The following USP44 variants were observed in gnomAD, a reference collection of about 807,000 sequenced individuals.
The protein encoded by USP44 is ubiquitin carboxyl-terminal hydrolase 44.
A neutral mutation model predicts 69.0 loss-of-function variants in USP44; 61 were observed. That is an observed-to-expected ratio of 0.88 (90% CI 0.72 to 1.09). The LOEUF (loss-of-function observed/expected upper bound fraction) is 1.09, where lower values mean the gene tolerates loss of function less well. Among genes scored for constraint, USP44 ranks in the 50% least tolerant of loss-of-function variants. The pLI is 0.00. For missense variants in USP44, 753 were observed against 849.9 expected (o/e 0.89, Z 1.42); for synonymous variants, 297 against 295.4 (o/e 1.01, Z -0.06).
intron 1 of USP44, among the ~76,000 whole-genome samples, chr12:95,537,659 G>C (rs773923287): frequency 1.3e-5 from 2 of 152,100 alleles, no homozygotes; most frequent in Non-Finnish European, 2.9e-5. Flanking sequence ...GGTGAAGAAG[G>C]AAATGCCAGC....
chr12:95,543,802 A>G (rs1017820491), intron 1 of USP44, among the ~76,000 whole-genome samples: 1 of 151,188 alleles, frequency 6.6e-6, no homozygotes, highest in Admixed American at 6.6e-5. Flanking sequence ...CTGTCTCTAC[A>G]AAACATACAA....
Position 95,518,029 on chromosome 12 carries a change from T to TA in USP44, c.*124dup, listed in dbSNP as rs1235033527. 2 of 1,017,762 alleles carry TA rather than the reference T, an allele frequency of 2.0e-6. No individual in the cohort carries two copies. The highest frequency in any genetic ancestry group is 2.8e-6 in the Non-Finnish European group (2 of 723,928). The allele number at this position is 1,017,762 out of a possible 1,614,324, so 63.0% of individuals were successfully genotyped here. ...TATACTTTGTAAAAAAAAAAATTGT[T>TA]AGATATAAAATGTATAAATGTAGTA... On this transcript the variant is annotated 3_prime_UTR_variant, in exon 6 of 6. Transcript: ENST00000258499.
At chr12:95,538,448 A>T (rs923646199) in intron 1 of USP44, among the ~76,000 whole-genome samples, 3 of 152,034 alleles carry the variant, frequency 2.0e-5, no homozygotes, top group Non-Finnish European at 4.4e-5. Flanking sequence ...TTCTCAGCCA[A>T]ATGTGTACTA....
intron 3 of USP44, among the ~76,000 whole-genome samples, chr12:95,527,484 T>A (rs533790211): frequency 6.6e-6 from 1 of 152,128 alleles, no homozygotes; most frequent in African/African-American, 2.4e-5. Flanking sequence ...ACACAGTAGA[T>A]GTTTTTGTGT....
chr12:95,522,946 A>G (rs2076714609), intron 4 of USP44, among the ~76,000 whole-genome samples: 1 of 152,082 alleles, frequency 6.6e-6, no homozygotes, highest in Admixed American at 6.5e-5. Context: ...CCAACCCCCA[A>G]AGGGAATGGG....
At chr12:95,522,148 T>C in intron 4 of USP44, 2 of 975,640 alleles carry the variant, frequency 2.0e-6, no homozygotes, top group Non-Finnish European at 2.4e-6. Flanking sequence ...AACATGGTAG[T>C]TCAAGAGATT....
chr12:95,534,073 G>C lies in USP44; in HGVS notation c.184C>G (p.Gln62Glu), dbSNP rs1489696840. The change falls in exon 2 of 6, where the codon CAA becomes GAA. Residue 62 changes from glutamine (Q) to glutamate (E), a missense_variant. By Grantham distance (29) the Gln-to-Glu change is conservative (BLOSUM62 2). Coordinates refer to ENST00000258499, the MANE Select transcript of USP44 (RefSeq NM_032147.5). Reference sequence around the variant, plus strand: ...AATGCAACAGGATGACTGCTTTCTTGAAAGTGCTTGAGTGCATGCTCTTCA... The same window carrying C: ...AATGCAACAGGATGACTGCTTTCTTCAAAGTGCTTGAGTGCATGCTCTTCA... ...YIEEHALKHF[Q>E]ESSHPVALEV... 1.9e-6 allele frequency: 3 copies of C among 1,614,176 alleles called. No homozygotes were observed. Among genetic ancestry groups the C allele is most frequent in the Non-Finnish European group, 2.5e-6 (3 of 1,180,040 alleles).
chr12:95,528,011 GTATTTT>G (rs1019900596), intron 3 of USP44, among the ~76,000 whole-genome samples: 1 of 151,388 alleles, frequency 6.6e-6, no homozygotes, highest in Non-Finnish European at 1.5e-5. Context: ...GCTAATTTTT[GTATTTT>G]TAGGAGAGAC....
chr12:95,524,990 G>A (rs1394570599), intron 3 of USP44, among the ~76,000 whole-genome samples: 2 of 152,242 alleles, frequency 1.3e-5, no homozygotes, highest in Admixed American at 1.3e-4. Context: ...AGCTAGTCAA[G>A]TTAGACAGAT....
At position 95,516,707 on chromosome 12, in the gene USP44, G is replaced by A. The variant is rs2076481161; in HGVS notation, c.*1447C>T. ...GGCACAAATGATTTGTCTATTCAGTGATAAAAGTCTCACTGCACCTCACTA... is the reference window on the plus strand; with the variant it reads ...GGCACAAATGATTTGTCTATTCAGTAATAAAAGTCTCACTGCACCTCACTA... On this transcript the variant is annotated 3_prime_UTR_variant, in exon 6 of 6. Coordinates refer to ENST00000258499, the MANE Select transcript of USP44 (RefSeq NM_032147.5). 1 of 152,156 alleles carries A rather than the reference G, an allele frequency of 6.6e-6. No individual in the cohort carries two copies. Among genetic ancestry groups the A allele is most frequent in the African/African-American group, 2.4e-5 (1 of 41,434 alleles). 9.4% of individuals were successfully genotyped at this position (152,156 alleles called of 1,614,324 possible).
At chr12:95,549,655 G>A (rs536947271) in intron 1 of USP44, among the ~76,000 whole-genome samples, 20 of 152,282 alleles carry the variant, frequency 1.3e-4, no homozygotes, top group Admixed American at 4.6e-4. Flanking sequence ...AGACAAACAT[G>A]CAAAGTTAAC....
intron 1 of USP44, among the ~76,000 whole-genome samples, chr12:95,542,048 C>T (rs1030429756): frequency 5.9e-5 from 9 of 151,938 alleles, no homozygotes; most frequent in African/African-American, 1.9e-4. Context: ...GCCTGGCTAA[C>T]TTTCATATTT....
chr12:95,519,541 G>A (rs900019604), intron 5 of USP44, among the ~76,000 whole-genome samples: 2 of 142,920 alleles, frequency 1.4e-5, no homozygotes, highest in East Asian at 2.2e-4. Flanking sequence ...CCGGGTTCAC[G>A]CCATTCTCCT....
rs576908062 is a variant in USP44 at position 95,548,048 on chromosome 12, C to T, written c.-71+3224G>A. ...GCACACTGACATATTTCTTATCCCC[C>T]ATAATGAATTCAGCCATATGGCATT... On this transcript the variant is annotated intron_variant, in intron 1 of 5. Coordinates refer to ENST00000258499, the MANE Select transcript of USP44 (RefSeq NM_032147.5). The surrounding 1 kb of genome is among the most constrained non-coding windows in gnomAD (Gnocchi z 4.1). 6.6e-6 allele frequency: 1 copy of T among 152,294 alleles called. No individual in the cohort carries two copies. The highest frequency in any genetic ancestry group is 1.9e-4 in the East Asian group (1 of 5,180). The allele number at this position is 152,294 out of a possible 1,614,324, so 9.4% of individuals were successfully genotyped here.
rs1461079841 is a variant in USP44 at position 95,521,117 on chromosome 12, C to T, written c.1819G>A (p.Glu607Lys). ...TCTGGTCTGAGGGATTTCAGGGTCT[C>T]CCTGCAGCAATAGGGCTCCATGTTT... ...ILNMEPYCCRETLKSLRPECF... is the reference protein window; with the variant it reads ...ILNMEPYCCRKTLKSLRPECF... Residue 607 changes from glutamate (E) to lysine (K), a missense_variant, in exon 5 of 6, where the codon GAG becomes AAG. Coordinates refer to ENST00000258499, the MANE Select transcript of USP44 (RefSeq NM_032147.5). 5 of 1,614,178 alleles carry T rather than the reference C, an allele frequency of 3.1e-6. No individual in the cohort carries two copies. In the South Asian group the frequency reaches 5.5e-5, roughly 18 times the overall value.
chr12:95,529,658 C>T (rs537509758), intron 2 of USP44, among the ~76,000 whole-genome samples: 51 of 152,178 alleles, frequency 3.4e-4, no homozygotes, highest in East Asian at 1.4e-3. Flanking sequence ...TGACTTTAGG[C>T]GATCCGCCCA....
chr12:95,544,048 C>CT (rs1191045599), intron 1 of USP44, among the ~76,000 whole-genome samples: 5,914 of 97,192 alleles, frequency 0.061, 472 homozygotes, highest in East Asian at 0.19. Context: ...TTTTAGTTAT[C>CT]TTTTTTTTTT....
chr12:95,541,078 G>C (rs898760727), intron 1 of USP44, among the ~76,000 whole-genome samples: 1 of 152,140 alleles, frequency 6.6e-6, no homozygotes, highest in Non-Finnish European at 1.5e-5. Context: ...AGGAGTTCAA[G>C]ACCAGCCTGG....
intron 4 of USP44, among the ~76,000 whole-genome samples, chr12:95,522,300 A>G (rs1286666691): frequency 6.6e-6 from 1 of 152,132 alleles, no homozygotes; most frequent in Non-Finnish European, 1.5e-5. Flanking sequence ...ATGGAAAAAA[A>G]AAAGTGAAAA....
Sources: gnomAD v4.1 joint callset for allele counts (sites outside exome capture counted in the v4.1 genomes callset) on GRCh38, gnomAD v4.1.1 for gene constraint, Gnocchi (gnomAD v3.1) non-coding constraint, MANE v1.5 for transcripts, NCBI Gene and HGNC (gene_info 2026-07-23, HGNC 2026-07-21) for gene names.